The following JAZF1 variants were observed in gnomAD, a reference collection of about 807,000 sequenced individuals.
JAZF1 encodes juxtaposed with another zinc finger protein 1.
JAZF1 carries 8 observed loss-of-function variants against 26.4 expected under a neutral mutation model. The observed-to-expected ratio is 0.30, with a 90% CI of 0.18 to 0.55. The LOEUF is 0.55. JAZF1 is among the 20% of genes least tolerant of loss of function. The pLI is 0.94. For missense variants in JAZF1, 199 were observed against 322.0 expected (o/e 0.62, Z 2.92); for synonymous variants, 126 against 122.3 (o/e 1.03, Z -0.20).
At chr7:27,960,282 AG>A (rs907369990) in intron 2 of JAZF1, among the ~76,000 whole-genome samples, 2 of 152,250 alleles carry the variant, frequency 1.3e-5, no homozygotes, top group Non-Finnish European at 2.9e-5. Context: ...GGAATCCAGT[AG>A]TGAGAATTTA....
chr7:28,133,374 A>G (rs572274149), intron 1 of JAZF1, among the ~76,000 whole-genome samples: 1 of 152,242 alleles, frequency 6.6e-6, no homozygotes, highest in Admixed American at 6.5e-5. Context: ...CACAACAGGG[A>G]AAGAAAATCC....
At position 27,868,183 on chromosome 7, in the gene JAZF1, A is replaced by T. The variant is rs573207782; in HGVS notation, c.385+27037T>A. On this transcript the variant is annotated intron_variant, in intron 3 of 4. Transcript: ENST00000283928. ...TACTATTTTCACTGGTTGAACAGAC[A>T]CGTGAGTTCACACATGACACCATCT... Among the ~76,000 whole-genome samples the T allele has an allele frequency of 6.6e-5, 10 of 152,342 alleles. No homozygotes were observed. The South Asian group carries it at 2.1e-3, about 32-fold the overall frequency.
At chr7:27,905,227 G>A (rs1006704683) in intron 2 of JAZF1, among the ~76,000 whole-genome samples, 17 of 152,188 alleles carry the variant, frequency 1.1e-4, no homozygotes, top group Admixed American at 1.0e-3. Context: ...GCCTCCCAAA[G>A]TGCTAGGATT....
rs181645952 is a variant in JAZF1, at chr7:27,945,832, A to T, written c.188+46077T>A. Among the ~76,000 whole-genome samples, 409 of 152,352 alleles carry T rather than the reference A, an allele frequency of 2.7e-3. 1 individual carries two copies. Among genetic ancestry groups the T allele is most frequent in the African/African-American group, 9.5e-3 (393 of 41,580 alleles). On this transcript the variant is annotated intron_variant, in intron 2 of 4. Coordinates refer to ENST00000283928, the MANE Select transcript of JAZF1 (RefSeq NM_175061.4). ...GCCAATTCACAGAATATTGACAACCATGGCTGCCTTCTAAAATCTCCCAGG... is the reference window on the plus strand; with the variant it reads ...GCCAATTCACAGAATATTGACAACCTTGGCTGCCTTCTAAAATCTCCCAGG...
At chr7:27,943,223 C>T (rs1784875850) in intron 2 of JAZF1, among the ~76,000 whole-genome samples, 1 of 152,126 alleles carries the variant, frequency 6.6e-6, no homozygotes, top group Admixed American at 6.5e-5. Flanking sequence ...ATGTTCACAT[C>T]CCCTACATCC....
chr7:28,127,159 C>T (rs1019705138), intron 1 of JAZF1, among the ~76,000 whole-genome samples: 1 of 152,180 alleles, frequency 6.6e-6, no homozygotes, highest in Non-Finnish European at 1.5e-5. Context: ...GATCCTAAGG[C>T]TAACCTTAAG....
chr7:28,017,049 G>C (rs1458739990), intron 1 of JAZF1, among the ~76,000 whole-genome samples: 1 of 152,164 alleles, frequency 6.6e-6, no homozygotes, highest in East Asian at 1.9e-4. Context: ...CTGGCACTTA[G>C]GTTAAATATG....
chr7:27,867,970 C>T (rs1409641557), intron 3 of JAZF1, among the ~76,000 whole-genome samples: 3 of 152,196 alleles, frequency 2.0e-5, no homozygotes, highest in African/African-American at 4.8e-5. Flanking sequence ...CATGAGAGGA[C>T]ACTCTGTGAC....
At chr7:27,920,500 AT>A (rs1288505505) in intron 2 of JAZF1, among the ~76,000 whole-genome samples, 3 of 152,186 alleles carry the variant, frequency 2.0e-5, no homozygotes, top group African/African-American at 7.2e-5. Context: ...CTATATGACG[AT>A]GTGTCATATG....
intron 2 of JAZF1, among the ~76,000 whole-genome samples, chr7:27,988,576 G>A (rs1193000242): frequency 6.6e-6 from 1 of 151,912 alleles, no homozygotes; most frequent in African/African-American, 2.4e-5. Flanking sequence ...TGCCCTCCAA[G>A]TGAAGTTACA....
chr7:28,063,312 T>C (rs1481267460), intron 1 of JAZF1, among the ~76,000 whole-genome samples: 2 of 152,208 alleles, frequency 1.3e-5, no homozygotes, highest in Admixed American at 6.5e-5. Context: ...TTTAAAAATA[T>C]AGATCATTTA....
At position 28,142,726 on chromosome 7, in the gene JAZF1, C is replaced by T. The variant is rs538003929; in HGVS notation, c.115+37737G>A. On this transcript the variant is annotated intron_variant, in intron 1 of 4. Transcript: ENST00000283928. ...CCACCCAGGGCCCTGCTAGCCCATG[C>T]AGCCCTTTCGTCAAAAGAGGTACCA... Among the ~76,000 whole-genome samples, 14 of 152,288 alleles carry T rather than the reference C, an allele frequency of 9.2e-5. 1 individual carries two copies. The Middle Eastern group carries it at 0.01, about 111-fold the overall frequency.
intron 1 of JAZF1, among the ~76,000 whole-genome samples, chr7:28,116,942 G>C (rs1784755535): frequency 1.3e-5 from 2 of 152,202 alleles, no homozygotes; most frequent in African/African-American, 2.4e-5. Context: ...TCCTGCCTCA[G>C]CCTCCCAAGT....
At chr7:28,087,042 T>C (rs887959597) in intron 1 of JAZF1, among the ~76,000 whole-genome samples, 2 of 152,242 alleles carry the variant, frequency 1.3e-5, no homozygotes, top group Non-Finnish European at 2.9e-5. Flanking sequence ...TTAATTCAGT[T>C]AAAACATTTT....
At chr7:27,889,095 A>C (rs958038530) in intron 3 of JAZF1, among the ~76,000 whole-genome samples, 1 of 152,208 alleles carries the variant, frequency 6.6e-6, no homozygotes, top group African/African-American at 2.4e-5. Context: ...CATGTTTTAA[A>C]ACAGTGGTTT....
At chr7:28,169,758 ATTTAC>A (rs771049410) in intron 1 of JAZF1, among the ~76,000 whole-genome samples, 114 of 152,184 alleles carry the variant, frequency 7.5e-4, no homozygotes, top group Non-Finnish European at 1.4e-3. Flanking sequence ...ATGGTGTTCA[ATTTAC>A]TTAACAGAAA....
intron 2 of JAZF1, among the ~76,000 whole-genome samples, chr7:27,899,800 A>T (rs145346070): frequency 1.3e-5 from 2 of 152,196 alleles, no homozygotes; most frequent in East Asian, 3.9e-4. Flanking sequence ...TTGTTACAGT[A>T]ACTGTGAACT....
intron 1 of JAZF1, among the ~76,000 whole-genome samples, chr7:28,164,242 G>C (rs1008978497): frequency 3.9e-5 from 6 of 152,206 alleles, no homozygotes; most frequent in Admixed American, 2.0e-4. Context: ...AGACCAGATA[G>C]CATTAATGCT....
At chr7:28,059,439 T>C (rs937274630) in intron 1 of JAZF1, among the ~76,000 whole-genome samples, 1 of 152,174 alleles carries the variant, frequency 6.6e-6, no homozygotes, top group East Asian at 1.9e-4. Context: ...ATTACTAATT[T>C]CTTTACCTTC....
Sources: allele counts gnomAD v4.1 joint callset (sites outside exome capture counted in the v4.1 genomes callset), GRCh38; gene constraint gnomAD v4.1.1; transcripts MANE v1.5; gene names NCBI Gene and HGNC (gene_info 2026-07-23, HGNC 2026-07-21).